KIRREL3: variants seen among roughly 807,000 people sequenced by gnomAD.
The protein encoded by KIRREL3 is kin of IRRE-like protein 3.
KIRREL3 carries 36 observed loss-of-function variants against 89.7 expected under a neutral mutation model. The observed-to-expected ratio is 0.40, with a 90% CI of 0.31 to 0.53. The LOEUF (loss-of-function observed/expected upper bound fraction) is 0.53, where lower values mean the gene tolerates loss of function less well. Among genes scored for constraint, KIRREL3 ranks in the 20% least tolerant of loss-of-function variants. The pLI is 0.49. For synonymous variants in KIRREL3, 445 were observed against 441.4 expected, an observed-to-expected ratio of 1.01 and a Z score of -0.10; for missense variants, 864 against 1,056.6, an observed-to-expected ratio of 0.82 and a Z score of 2.53.
intron 4 of KIRREL3, among the ~76,000 whole-genome samples, chr11:126,505,441 G>C (rs1301919270): frequency 6.6e-6 from 1 of 152,042 alleles, no homozygotes; most frequent in Non-Finnish European, 1.5e-5. Context: ...CGTGGTGGTG[G>C]ATGCCTGTAA....
Position 126,627,230 on chromosome 11 carries a change from G to A in KIRREL3, c.56-64318C>T, listed in dbSNP as rs1943829129. ...AACTGAAAGAGCCAGGGCACAGAGTGTGAAAGGGACCTATTTGGGAGAGGT... is the reference window on the plus strand; with the variant it reads ...AACTGAAAGAGCCAGGGCACAGAGTATGAAAGGGACCTATTTGGGAGAGGT... On this transcript the variant is annotated intron_variant, in intron 1 of 16. Coordinates refer to ENST00000525144, the MANE Select transcript of KIRREL3 (RefSeq NM_032531.4). This position sits in a 1 kb window ranked among gnomAD's most constrained non-coding sequence, Gnocchi z 5.0. Among the ~76,000 whole-genome samples the A allele has an allele frequency of 6.6e-6, 1 of 152,170 alleles. No homozygotes were observed. The highest frequency in any genetic ancestry group is 1.5e-5 in the Non-Finnish European group (1 of 68,028).
intron 7 of KIRREL3, among the ~76,000 whole-genome samples, chr11:126,452,829 C>G (rs894020553): frequency 6.6e-6 from 1 of 152,146 alleles, no homozygotes; most frequent in Non-Finnish European, 1.5e-5. Context: ...CGACAGAGCC[C>G]GCAGCTCACA....
At chr11:126,581,226 A>G (rs557733949) in intron 1 of KIRREL3, among the ~76,000 whole-genome samples, 2 of 152,170 alleles carry the variant, frequency 1.3e-5, no homozygotes, top group Admixed American at 1.3e-4. Context: ...TTTTTGAGAC[A>G]GAGTCTCACT....
At position 126,535,596 on chromosome 11, in the gene KIRREL3, C is replaced by T. The variant is rs1937792285; in HGVS notation, c.134-8909G>A. ...TCGGGTGTGTGTGTGTGTGTGTGCA[C>T]GTGGGTGTGTTTGTCAGATTAACTG... On this transcript the variant is annotated intron_variant, in intron 2 of 16. Coordinates refer to ENST00000525144, the MANE Select transcript of KIRREL3 (RefSeq NM_032531.4). The surrounding 1 kb of genome is among the most constrained non-coding windows in gnomAD (Gnocchi z 4.5). Among the ~76,000 whole-genome samples the T allele has an allele frequency of 7.4e-6, 1 of 134,828 alleles. No homozygotes were observed. Among genetic ancestry groups the T allele is most frequent in the Non-Finnish European group, 1.6e-5 (1 of 61,954 alleles). 88.5% of individuals were successfully genotyped at this position (134,828 alleles called of 152,430 possible). A position where few individuals can be genotyped will look rare whatever the true frequency, so the allele number is the denominator to read the frequency against.
chr11:126,783,529 G>T lies in KIRREL3; in HGVS notation c.55+216926C>A, dbSNP rs1395637983. 6.6e-6 allele frequency among the ~76,000 whole-genome samples: 1 copy of T among 152,206 alleles called. No individual in the cohort carries two copies. Among genetic ancestry groups the T allele is most frequent in the African/African-American group, 2.4e-5 (1 of 41,450 alleles). Reference sequence around the variant, plus strand: ...AAAAAAGCCACACTAATGAGGGTCTGTCAAAGGGACACAGAAGCCAACTGA... The same window carrying T: ...AAAAAAGCCACACTAATGAGGGTCTTTCAAAGGGACACAGAAGCCAACTGA... On this transcript the variant is annotated intron_variant, in intron 1 of 16. Coordinates refer to ENST00000525144, the MANE Select transcript of KIRREL3 (RefSeq NM_032531.4). This position sits in a 1 kb window ranked among gnomAD's most constrained non-coding sequence, Gnocchi z 4.3.
chr11:126,644,914 C>T (rs1016602390), intron 1 of KIRREL3, among the ~76,000 whole-genome samples: 2 of 152,124 alleles, frequency 1.3e-5, no homozygotes, highest in Non-Finnish European at 2.9e-5. Flanking sequence ...TTTGACCAGC[C>T]CTCCTGACAA....
At position 126,587,328 on chromosome 11, in the gene KIRREL3, T is replaced by C. The variant is rs1329044779; in HGVS notation, c.56-24416A>G. Among the ~76,000 whole-genome samples the C allele has an allele frequency of 6.6e-6, 1 of 152,148 alleles. No individual in the cohort carries two copies. The highest frequency in any genetic ancestry group is 1.5e-5 in the Non-Finnish European group (1 of 68,028). The stretch of plus-strand genomic sequence containing the variant: ...GAAAGAACACACTCTGCTCCGGTGA[T>C]GGCATGTTTGGTCTGGCCTGGAGCA... On this transcript the variant is annotated intron_variant, in intron 1 of 16. Transcript: ENST00000525144. The surrounding 1 kb of genome is among the most constrained non-coding windows in gnomAD (Gnocchi z 5.2).
At chr11:126,467,048 A>T (rs1224955613) in intron 5 of KIRREL3, among the ~76,000 whole-genome samples, 1 of 152,240 alleles carries the variant, frequency 6.6e-6, no homozygotes, top group African/African-American at 2.4e-5. Flanking sequence ...GGCCAGGGGC[A>T]GGCATATAGA....
Position 126,594,377 on chromosome 11 carries a change from C to T in KIRREL3, c.56-31465G>A, listed in dbSNP as rs374065363. ...CTCCCTCACTGGACCAGAAGCTCCT[C>T]GAGGAAACTCTGCGCCCTTTAGACT... On this transcript the variant is annotated intron_variant, in intron 1 of 16. Coordinates refer to ENST00000525144, the MANE Select transcript of KIRREL3 (RefSeq NM_032531.4). The surrounding 1 kb of genome is among the most constrained non-coding windows in gnomAD (Gnocchi z 5.0). Among the ~76,000 whole-genome samples the T allele has an allele frequency of 2.6e-5, 4 of 152,104 alleles. No individual in the cohort carries two copies. Among genetic ancestry groups the T allele is most frequent in the Admixed American group, 1.3e-4 (2 of 15,280 alleles).
chr11:126,758,349 G>A (rs1565707630), intron 1 of KIRREL3, among the ~76,000 whole-genome samples: 1 of 152,088 alleles, frequency 6.6e-6, no homozygotes, highest in South Asian at 2.1e-4. Flanking sequence ...TTTTTGTTCT[G>A]CATCAAGTAA....
rs1192551310 is a variant in KIRREL3 at position 126,796,373 on chromosome 11, A to C, written c.55+204082T>G. The stretch of plus-strand genomic sequence containing the variant: ...AGGGCTGGGGATTGTCTTGGATGGA[A>C]GGATCTCATTCTGCCCGTCCTGTCC... On this transcript the variant is annotated intron_variant, in intron 1 of 16. Coordinates refer to ENST00000525144, the MANE Select transcript of KIRREL3 (RefSeq NM_032531.4). This position sits in a 1 kb window ranked among gnomAD's most constrained non-coding sequence, Gnocchi z 5.1. 6.6e-6 allele frequency among the ~76,000 whole-genome samples: 1 copy of C among 152,134 alleles called. No individual in the cohort carries two copies. The highest frequency in any genetic ancestry group is 1.5e-5 in the Non-Finnish European group (1 of 68,030).
rs1949429222 is a variant in KIRREL3, at chr11:126,754,463, T to A, written c.56-191551A>T. On this transcript the variant is annotated intron_variant, in intron 1 of 16. Transcript: ENST00000525144. The surrounding 1 kb of genome is among the most constrained non-coding windows in gnomAD (Gnocchi z 5.1). ...TGGTTGAAGGGCTTTCTTTTGATAATGCTAATTAACATGCACAGAAAATAT... is the reference window on the plus strand; with the variant it reads ...TGGTTGAAGGGCTTTCTTTTGATAAAGCTAATTAACATGCACAGAAAATAT... Among the ~76,000 whole-genome samples the A allele has an allele frequency of 6.6e-6, 1 of 152,200 alleles. No homozygotes were observed. The highest frequency in any genetic ancestry group is 2.1e-4 in the South Asian group (1 of 4,828).
intron 12 of KIRREL3, among the ~76,000 whole-genome samples, chr11:126,435,969 C>T (rs1446641099): frequency 2.0e-5 from 3 of 152,224 alleles, no homozygotes; most frequent in Non-Finnish European, 4.4e-5. Context: ...ATCAACTGCC[C>T]CTCTCAGAAC....
chr11:126,557,974 G>A lies in KIRREL3; in HGVS notation c.133+4861C>T, dbSNP rs945561701. ...TTTGCTAATCACTCACAAGTATTTCGTCCTGAAAGATGAAAGGGACAGCAC... is the reference window on the plus strand; with the variant it reads ...TTTGCTAATCACTCACAAGTATTTCATCCTGAAAGATGAAAGGGACAGCAC... On this transcript the variant is annotated intron_variant, in intron 2 of 16. Transcript: ENST00000525144. The surrounding 1 kb of genome is among the most constrained non-coding windows in gnomAD (Gnocchi z 5.6). 2.6e-5 allele frequency among the ~76,000 whole-genome samples: 4 copies of A among 152,158 alleles called. No individual in the cohort carries two copies. The highest frequency in any genetic ancestry group is 6.5e-5 in the Admixed American group (1 of 15,278).
chr11:126,698,711 C>A (rs1947196179), intron 1 of KIRREL3, among the ~76,000 whole-genome samples: 1 of 152,234 alleles, frequency 6.6e-6, no homozygotes, highest in Non-Finnish European at 1.5e-5. Context: ...TGTATTAGCT[C>A]AGCTCAGCTG....
At chr11:126,621,800 A>G (rs925365480) in intron 1 of KIRREL3, among the ~76,000 whole-genome samples, 2 of 152,240 alleles carry the variant, frequency 1.3e-5, no homozygotes, top group African/African-American at 4.8e-5. Context: ...TGATTTTATT[A>G]TATTACCTTA....
In KIRREL3 at chr11:126,923,248, TCTTCTTCTTCTTCTTCTTCTC is replaced by T. The variant is rs1163319093; in HGVS notation, c.55+77186_55+77206del. ...TTCTTCTTCTTCTTCTTCTTCTTCT[TCTTCTTCTTCTTCTTCTTCTC>T]CTTCTCCTTCTCCTTCTCCTTCTCC... is the stretch of plus-strand genomic sequence containing the variant. On this transcript the variant is annotated intron_variant, in intron 1 of 16. Coordinates refer to ENST00000525144, the MANE Select transcript of KIRREL3 (RefSeq NM_032531.4). 2.7e-3 allele frequency among the ~76,000 whole-genome samples: 173 copies of T among 64,636 alleles called. 19 individuals are homozygous for T. Among genetic ancestry groups the T allele is most frequent in the African/African-American group, 5.5e-3 (92 of 16,580 alleles). The allele number at this position is 64,636 out of a possible 152,430, so 42.4% of individuals were successfully genotyped here.
In KIRREL3 at chr11:126,475,200, G is replaced by A. The variant is rs1957031228; in HGVS notation, c.434-1734C>T. Among the ~76,000 whole-genome samples, 1 of 152,176 alleles carries A rather than the reference G, an allele frequency of 6.6e-6. No individual in the cohort carries two copies. The highest frequency in any genetic ancestry group is 2.1e-4 in the South Asian group (1 of 4,824). ...CCTTCTATGCAGGCTCTGTGCTCGG[G>A]GCTCTGGGCTGGAGAAGTTCAGAGC... On this transcript the variant is annotated intron_variant, in intron 4 of 16. Coordinates refer to ENST00000525144, the MANE Select transcript of KIRREL3 (RefSeq NM_032531.4). The surrounding 1 kb of genome is among the most constrained non-coding windows in gnomAD (Gnocchi z 7.5).
intron 1 of KIRREL3, among the ~76,000 whole-genome samples, chr11:126,794,420 C>T (rs10790827): frequency 0.24 from 36,717 of 152,046 alleles, 4,928 homozygotes; most frequent in East Asian, 0.51. Context: ...CTGAGCGCTT[C>T]GTATAACCTT....
Sources: allele counts gnomAD v4.1 joint callset (sites outside exome capture counted in the v4.1 genomes callset), GRCh38; gene constraint gnomAD v4.1.1; non-coding constraint Gnocchi (gnomAD v3.1); transcripts MANE v1.5; gene names NCBI Gene and HGNC (gene_info 2026-07-23, HGNC 2026-07-21).